The following SPTBN2 variants were observed in gnomAD, a reference collection of about 807,000 sequenced individuals.
The protein encoded by SPTBN2 is spectrin beta, non-erythrocytic 2.
Under a neutral mutation model 284.2 loss-of-function variants are expected in SPTBN2, and 107 were observed. That is an observed-to-expected ratio of 0.38 (90% CI 0.32 to 0.44). The LOEUF (loss-of-function observed/expected upper bound fraction) is 0.44, where lower values mean the gene tolerates loss of function less well. SPTBN2 is among the 20% of genes least tolerant of loss of function. The pLI, the probability that SPTBN2 is intolerant of heterozygous loss-of-function variation, is 1.00. For missense variants in SPTBN2, 2,569 were observed against 3,287.1 expected (o/e 0.78, Z 5.34); for synonymous variants, 1,289 against 1,354.8 (o/e 0.95, Z 1.07).
At chr11:66,690,419 G>A (rs1940463890) in intron 27 of SPTBN2, 136 bp from the exon 28 acceptor site, 2 of 1,283,020 alleles carry the variant, frequency 1.6e-6, no homozygotes, top group Non-Finnish European at 2.1e-6. Context: ...GGGAGTGGGG[G>A]TGCTGGGAAA....
intron 1 of SPTBN2, among the ~76,000 whole-genome samples, chr11:66,740,062 C>T (rs1482599508): frequency 6.6e-6 from 1 of 152,070 alleles, no homozygotes; most frequent in Non-Finnish European, 1.5e-5. Flanking sequence ...GGCAGAACCA[C>T]TTTGTGATGT....
chr11:66,723,033 C>T lies in SPTBN2; in HGVS notation c.-113-1593G>A, dbSNP rs372451095. 2.0e-4 allele frequency among the ~76,000 whole-genome samples: 30 copies of T among 151,916 alleles called. No homozygotes were observed. The East Asian group carries it at 2.9e-3, about 15-fold the overall frequency. ...CGCAGCCTCTTGAACATAGAACATA[C>T]ACAGGTTCCTCAACCGTCTTAGAGG... On this transcript the variant is annotated intron_variant, in intron 1 of 37. Coordinates refer to ENST00000533211, the MANE Select transcript of SPTBN2 (RefSeq NM_006946.4).
chr11:66,699,576 C>A lies in SPTBN2; in HGVS notation c.3606G>T (p.Gly1202=). The A allele has an allele frequency of 6.2e-7, 1 of 1,614,150 alleles. No homozygotes were observed. ...EYVLSHTEMP[G]TLQAADAAIK... ...TGGCAGCATCAGCAGCCTGGAGTGT[C>A]CCTGGCATCTCCGTGTGAGACAGAA... Residue 1202 remains glycine, a synonymous_variant, in exon 18 of 38, where the codon GGG becomes GGT. Transcript: ENST00000533211.
chr11:66,734,005 A>G (rs1164436874), upstream of SPTBN2, among the ~76,000 whole-genome samples: 4 of 151,942 alleles, frequency 2.6e-5, no homozygotes, highest in African/African-American at 4.8e-5. Flanking sequence ...AAAAAAAAAA[A>G]AATTATCCTA....
chr11:66,716,042 C>T (rs1489578214), intron 3 of SPTBN2, 61 bp from the exon 4 acceptor site: 2 of 1,610,762 alleles, frequency 1.2e-6, no homozygotes, highest in Non-Finnish European at 1.7e-6. Flanking sequence ...CTTCTAAACA[C>T]CAGTTGGCAG....
intron 18 of SPTBN2, 110 bp downstream of exon 18, chr11:66,699,296 T>A: frequency 7.1e-7 from 1 of 1,405,668 alleles, no homozygotes; most frequent in Non-Finnish European, 9.9e-7. Context: ...TACTTCTCTG[T>A]CAGCTCCTGC....
At chr11:66,728,334 GGGCGGCGGCGGGGCGCGT>G (rs1317909714) in intron 1 of SPTBN2, 1 of 145,504 alleles carries the variant, frequency 6.9e-6, no homozygotes, top group Admixed American at 6.8e-5. Flanking sequence ...CGCGCGGGGC[GGGCGGCGGCGGGGCGCGT>G]GGCGGCGGCG....
rs745434233 is a variant in SPTBN2, at chr11:66,696,565, A to G, written c.4015-25T>C. 2.5e-6 allele frequency: 4 copies of G among 1,608,542 alleles called. No individual in the cohort carries two copies. The East Asian group carries it at 6.7e-5, about 27-fold the overall frequency. ...CCTGGAAGGCAGGACAGAAAATGTC[A>G]AAGTGCCCAAATTAGCCTGAACTTT... On this transcript the variant is annotated intron_variant, in intron 20 of 37. Coordinates refer to ENST00000533211, the MANE Select transcript of SPTBN2 (RefSeq NM_006946.4).
Position 66,708,806 on chromosome 11 carries a change from G to T in SPTBN2, c.1191+96C>A, listed in dbSNP as rs1412184304. The T allele has an allele frequency of 2.6e-5, 26 of 987,908 alleles. No individual in the cohort carries two copies. The Admixed American group carries it at 4.1e-4, about 16-fold the overall frequency. The allele number at this position is 987,908 out of a possible 1,614,324, so 61.2% of individuals were successfully genotyped here. A position where few individuals can be genotyped will look rare whatever the true frequency, so the allele number is the denominator to read the frequency against. On this transcript the variant is annotated intron_variant, in intron 11 of 37. Coordinates refer to ENST00000533211, the MANE Select transcript of SPTBN2 (RefSeq NM_006946.4). This position sits in a 1 kb window ranked among gnomAD's most constrained non-coding sequence, Gnocchi z 4.4. Reference sequence around the variant, plus strand: ...GTTGGGGCAGCAGATAGTAGAACTTGGTGAAGGTCGACATGGCCCCGGGTT... The same window carrying T: ...GTTGGGGCAGCAGATAGTAGAACTTTGTGAAGGTCGACATGGCCCCGGGTT...
intron 1 of SPTBN2, among the ~76,000 whole-genome samples, chr11:66,727,120 G>C (rs1183540547): frequency 6.6e-6 from 1 of 152,106 alleles, no homozygotes; most frequent in Non-Finnish European, 1.5e-5. Flanking sequence ...CCCAACCCGG[G>C]GTCACATCAA....
In SPTBN2 at chr11:66,707,530, T is replaced by C; in HGVS notation, c.1639A>G (p.Met547Val). 1 of 1,606,608 alleles carries C rather than the reference T, an allele frequency of 6.2e-7. No homozygotes were observed. The highest frequency in any genetic ancestry group is 1.1e-5 in the South Asian group (1 of 90,086). ...FQDLLYLMDW[M>V]EEMKGRLQSQ... Reference sequence around the variant, plus strand: ...CTCACTGGTACCTTCATCTCTTCCATCCAGTCCATGAGGTAGAGCAGGTCC... The same window carrying C: ...CTCACTGGTACCTTCATCTCTTCCACCCAGTCCATGAGGTAGAGCAGGTCC... Residue 547 changes from methionine (M) to valine (V), a missense_variant, in exon 13 of 38, where the codon ATG becomes GTG. Coordinates refer to ENST00000533211, the MANE Select transcript of SPTBN2 (RefSeq NM_006946.4). This position sits in a 1 kb window ranked among gnomAD's most constrained non-coding sequence, Gnocchi z 4.9.
chr11:66,711,451 A>C (rs758815084), intron 8 of SPTBN2, among the ~76,000 whole-genome samples: 1 of 152,226 alleles, frequency 6.6e-6, no homozygotes, highest in Non-Finnish European at 1.5e-5. Flanking sequence ...TCCTGAACCT[A>C]GGATGCTCAG....
chr11:66,703,456 G>A (rs7929435), intron 15 of SPTBN2, among the ~76,000 whole-genome samples: 1,630 of 152,140 alleles, frequency 0.011, 36 homozygotes, highest in African/African-American at 0.037. Context: ...TTCCTGACCC[G>A]GCGCAGTGGC....
intron 1 of SPTBN2, among the ~76,000 whole-genome samples, chr11:66,737,597 C>T (rs942474496): frequency 6.6e-6 from 1 of 152,168 alleles, no homozygotes; most frequent in Non-Finnish European, 1.5e-5. Context: ...ACCACTGCTG[C>T]CCAAAGCTGG....
rs1175129113 is a variant in SPTBN2 at position 66,693,890 on chromosome 11, GC to G, written c.4504-30del. ...GAAGAGGAAGAGGGGGTCAGTGGAG[GC>G]CCAGAGGGCAAGGCAAGCAGCAGGG... On this transcript the variant is annotated intron_variant, in intron 22 of 37. Transcript: ENST00000533211. The surrounding 1 kb of genome is among the most constrained non-coding windows in gnomAD (Gnocchi z 5.7). 1.2e-6 allele frequency: 2 copies of G among 1,604,586 alleles called. No individual in the cohort carries two copies. Among genetic ancestry groups the G allele is most frequent in the Admixed American group, 3.4e-5 (2 of 59,582 alleles).
intron 3 of SPTBN2, 63 bp from the exon 4 acceptor site, chr11:66,716,044 A>C: frequency 1.2e-6 from 2 of 1,610,014 alleles, no homozygotes; most frequent in Non-Finnish European, 1.7e-6. Flanking sequence ...TCTAAACACC[A>C]GTTGGCAGGG....
chr11:66,714,447 G>T, intron 5 of SPTBN2, 40 bp from the exon 6 acceptor site: 1 of 1,529,450 alleles, frequency 6.5e-7, no homozygotes, highest in South Asian at 1.1e-5. Flanking sequence ...CCCTGGACAG[G>T]AACTCCTGGT....
chr11:66,688,767 A>G lies in SPTBN2; in HGVS notation c.6117T>C (p.Ala2039=). The G allele has an allele frequency of 2.5e-6, 4 of 1,613,408 alleles. No homozygotes were observed. Among genetic ancestry groups the G allele is most frequent in the Middle Eastern group, 1.6e-4 (1 of 6,062 alleles). ...CTTCGTCGACCGTGCAACCCAGCTCAGCGCTGCGCACCAGTGGCTCCTGGC... is the reference window on the plus strand; with the variant it reads ...CTTCGTCGACCGTGCAACCCAGCTCGGCGCTGCGCACCAGTGGCTCCTGGC... ...LCSQEPLVRS[A]ELGCTVDEVE... The change falls in exon 31 of 38, where the codon GCT becomes GCC. Residue 2039 remains alanine, a synonymous_variant. Coordinates refer to ENST00000533211, the MANE Select transcript of SPTBN2 (RefSeq NM_006946.4).
At chr11:66,699,137 C>G (rs556177990) in intron 18 of SPTBN2, 55 bp from the exon 19 acceptor site, 56 of 1,607,190 alleles carry the variant, frequency 3.5e-5, no homozygotes, top group Non-Finnish European at 4.7e-5. Flanking sequence ...GGATTGTGAC[C>G]CTTTGGCTAA....
Sources: gnomAD v4.1 joint callset for allele counts (sites outside exome capture counted in the v4.1 genomes callset) on GRCh38, gnomAD v4.1.1 for gene constraint, Gnocchi (gnomAD v3.1) non-coding constraint, MANE v1.5 for transcripts, NCBI Gene and HGNC (gene_info 2026-07-23, HGNC 2026-07-21) for gene names.